DAB1: variants seen among roughly 807,000 people sequenced by gnomAD.
DAB1 encodes the protein disabled homolog 1.
In DAB1, 15 loss-of-function variants were observed where a neutral mutation model predicts 64.6. That is an observed-to-expected ratio of 0.23 (90% CI 0.16 to 0.36). The LOEUF is 0.36. DAB1 is among the 10% of genes least tolerant of loss of function. The pLI, the probability that DAB1 is intolerant of heterozygous loss-of-function variation, is 1.00. For synonymous variants in DAB1, 235 were observed against 251.9 expected, an observed-to-expected ratio of 0.93 and a Z score of 0.64; for missense variants, 596 against 706.7, an observed-to-expected ratio of 0.84 and a Z score of 1.78.
At chr1:58,012,654 T>C (rs1646684524) in intron 5 of DAB1, among the ~76,000 whole-genome samples, 1 of 152,158 alleles carries the variant, frequency 6.6e-6, no homozygotes, top group South Asian at 2.1e-4. Flanking sequence ...ACACAAGAGG[T>C]TGGTCTTGCT....
At chr1:57,349,096 A>T (rs373249027) in intron 1 of DAB1, among the ~76,000 whole-genome samples, 4 of 152,328 alleles carry the variant, frequency 2.6e-5, no homozygotes, top group African/African-American at 9.6e-5. Context: ...GTCCCAGGCA[A>T]GTAATCCCAA....
At chr1:57,632,757 GGA>G (rs1646006232) in intron 7 of DAB1, among the ~76,000 whole-genome samples, 1 of 152,136 alleles carries the variant, frequency 6.6e-6, no homozygotes, top group African/African-American at 2.4e-5. Context: ...TATTTAGAAT[GGA>G]GTAAAATAAC....
chr1:58,397,579 C>G (rs1644533954), intron 3 of DAB1, among the ~76,000 whole-genome samples: 1 of 152,186 alleles, frequency 6.6e-6, no homozygotes, highest in Admixed American at 6.5e-5. Context: ...CTCCACATAC[C>G]TATCCAATGC....
intron 1 of DAB1, among the ~76,000 whole-genome samples, chr1:57,291,455 A>G (rs184793991): frequency 1.6e-4 from 24 of 152,290 alleles, no homozygotes; most frequent in Non-Finnish European, 2.9e-4. Flanking sequence ...ATTTTCAAGC[A>G]CTAGATCCCA....
intron 3 of DAB1, among the ~76,000 whole-genome samples, chr1:57,137,058 T>C (rs185018170): frequency 6.6e-6 from 1 of 152,282 alleles, no homozygotes; most frequent in Admixed American, 6.5e-5. Flanking sequence ...TTATTTTTTA[T>C]AATTCTGGAA....
At chr1:57,765,544 A>G (rs1405205193) in intron 6 of DAB1, among the ~76,000 whole-genome samples, 1 of 151,942 alleles carries the variant, frequency 6.6e-6, no homozygotes, top group Admixed American at 6.6e-5. Flanking sequence ...TCTAGGGGTA[A>G]CTCAACTTTC....
At chr1:58,543,359 T>C (rs760292457) in intron 1 of DAB1, among the ~76,000 whole-genome samples, 26 of 152,194 alleles carry the variant, frequency 1.7e-4, no homozygotes, top group Non-Finnish European at 3.2e-4. Flanking sequence ...TTTTCAACAT[T>C]TAATCAGTTC....
chr1:57,690,343 T>C (rs890993556), intron 6 of DAB1, among the ~76,000 whole-genome samples: 9 of 152,072 alleles, frequency 5.9e-5, no homozygotes, highest in Non-Finnish European at 1.3e-4. Context: ...AGGGGCATGG[T>C]GGGGGGTAAT....
At chr1:57,495,454 A>C (rs2101293360) in intron 7 of DAB1, among the ~76,000 whole-genome samples, 1 of 152,274 alleles carries the variant, frequency 6.6e-6, no homozygotes, top group East Asian at 1.9e-4. Flanking sequence ...AATCTTTTTG[A>C]AGATCCTTTA....
chr1:57,655,707 G>A (rs1467572988), intron 6 of DAB1, among the ~76,000 whole-genome samples: 4 of 152,146 alleles, frequency 2.6e-5, no homozygotes, highest in South Asian at 2.1e-4. Context: ...TCTGGCACAC[G>A]TTAGTGGCTG....
intron 5 of DAB1, among the ~76,000 whole-genome samples, chr1:58,082,270 G>A (rs1030730690): frequency 2.0e-5 from 3 of 152,042 alleles, no homozygotes; most frequent in African/African-American, 4.8e-5. Context: ...CAGTGATCTC[G>A]TTGGACACAT....
intron 2 of DAB1, among the ~76,000 whole-genome samples, chr1:57,271,547 G>T (rs879734910): frequency 6.6e-6 from 1 of 152,194 alleles, no homozygotes; most frequent in Non-Finnish European, 1.5e-5. Flanking sequence ...AGCTTCACAG[G>T]GTTGGTGAAG....
intron 6 of DAB1, among the ~76,000 whole-genome samples, chr1:57,810,465 G>A (rs1035195183): frequency 2.0e-5 from 3 of 152,166 alleles, no homozygotes; most frequent in Non-Finnish European, 4.4e-5. Flanking sequence ...GTGGGAGTAG[G>A]TTGGGAGGGC....
intron 7 of DAB1, among the ~76,000 whole-genome samples, chr1:57,551,790 T>A (rs1211118549): frequency 6.6e-6 from 1 of 152,232 alleles, no homozygotes; most frequent in East Asian, 1.9e-4. Flanking sequence ...ATTTTCTTGA[T>A]GGATTAATTT....
At chr1:57,178,207 T>C (rs905995718) in intron 2 of DAB1, among the ~76,000 whole-genome samples, 6 of 151,924 alleles carry the variant, frequency 3.9e-5, no homozygotes, top group African/African-American at 1.5e-4. Flanking sequence ...GCTGAAAATA[T>C]AGATACCCTA....
intron 5 of DAB1, among the ~76,000 whole-genome samples, chr1:57,904,015 A>G (rs11801691): frequency 0.014 from 2,207 of 152,330 alleles, 38 homozygotes; most frequent in African/African-American, 0.042. Context: ...AAATTCATAC[A>G]TCTTCCTTTG....
chr1:58,087,135 A>C (rs1251458216), intron 5 of DAB1, among the ~76,000 whole-genome samples: 1 of 152,198 alleles, frequency 6.6e-6, no homozygotes, highest in Non-Finnish European at 1.5e-5. Flanking sequence ...AGACAATAAT[A>C]ACCCCTGTAT....
chr1:57,073,403 T>C (rs1360650116), intron 4 of DAB1, among the ~76,000 whole-genome samples: 4 of 152,218 alleles, frequency 2.6e-5, no homozygotes, highest in Non-Finnish European at 5.9e-5. Flanking sequence ...CTTTTATAAT[T>C]CACCTTCATG....
intron 9 of DAB1, among the ~76,000 whole-genome samples, chr1:57,029,130 C>G (rs915537113): frequency 2.6e-5 from 4 of 152,138 alleles, no homozygotes; most frequent in African/African-American, 9.6e-5. Flanking sequence ...GTGCTGTATA[C>G]AGTCTAGGGA....
Sources: gnomAD v4.1 joint callset for allele counts (sites outside exome capture counted in the v4.1 genomes callset) on GRCh38, gnomAD v4.1.1 for gene constraint, MANE v1.5 for transcripts, NCBI Gene and HGNC (gene_info 2026-07-23, HGNC 2026-07-21) for gene names.